DLG2: variants seen among roughly 807,000 people sequenced by gnomAD.
DLG2 encodes the protein discs large MAGUK scaffold protein 2.
DLG2 carries 45 observed loss-of-function variants against 132.5 expected under a neutral mutation model. The ratio of observed to expected loss-of-function variants is 0.34; its 90% CI spans 0.27 to 0.44. The LOEUF (loss-of-function observed/expected upper bound fraction) is 0.44. Ranked by LOEUF, DLG2 falls within the 20% of genes least tolerant of loss-of-function variation. DLG2 has a pLI of 1.00. For synonymous variants in DLG2, 424 were observed against 419.6 expected (o/e 1.01, Z -0.13); for missense variants, 1,045 against 1,196.9 (o/e 0.87, Z 1.87).
At chr11:83,834,334 A>G (rs2055478443) in intron 16 of DLG2, among the ~76,000 whole-genome samples, 1 of 152,198 alleles carries the variant, frequency 6.6e-6, no homozygotes, top group Non-Finnish European at 1.5e-5. Context: ...CACAGATATG[A>G]TCGGAGGTGG....
At chr11:84,218,203 GAAGGAAGGAAGGAAAGA>G (rs1286079426) in intron 8 of DLG2, among the ~76,000 whole-genome samples, 2 of 148,152 alleles carry the variant, frequency 1.3e-5, no homozygotes, top group African/African-American at 2.5e-5. Flanking sequence ...AGAAGGAAAG[GAAGGAAGGAAGGAAAGA>G]AAGGAAGGAA....
At chr11:84,797,829 T>C (rs1293226367) in intron 6 of DLG2, among the ~76,000 whole-genome samples, 2 of 152,220 alleles carry the variant, frequency 1.3e-5, no homozygotes, top group Admixed American at 6.5e-5. Context: ...CACAATTTTA[T>C]GCTTGTTTGT....
chr11:84,252,092 A>C (rs1360143040), intron 7 of DLG2, among the ~76,000 whole-genome samples: 1 of 146,814 alleles, frequency 6.8e-6, no homozygotes, highest in East Asian at 2.0e-4. Context: ...ACTTATCAAC[A>C]TCTACGTTTA....
intron 21 of DLG2, among the ~76,000 whole-genome samples, chr11:83,497,909 T>G (rs1256513249): frequency 6.6e-6 from 1 of 151,800 alleles, no homozygotes; most frequent in Non-Finnish European, 1.5e-5. Context: ...AAAGCTTAAT[T>G]TATTAAAAAA....
intron 4 of DLG2, among the ~76,000 whole-genome samples, chr11:85,163,205 T>TCA: frequency 6.8e-6 from 1 of 147,414 alleles, no homozygotes. Context: ...TTTATATATA[T>TCA]TACACACACA....
intron 3 of DLG2, among the ~76,000 whole-genome samples, chr11:85,497,359 A>C (rs2093691145): frequency 6.6e-6 from 1 of 151,446 alleles, no homozygotes. Context: ...TGAAAAAAAC[A>C]AGGAGACAAG....
intron 4 of DLG2, among the ~76,000 whole-genome samples, chr11:85,219,852 G>A (rs756816281): frequency 4.9e-4 from 74 of 151,612 alleles, no homozygotes; most frequent in Non-Finnish European, 1.6e-4. Flanking sequence ...TTCAACTGGA[G>A]AGAGGAGAAT....
chr11:84,741,968 G>A (rs1344979264), intron 6 of DLG2, among the ~76,000 whole-genome samples: 2 of 151,972 alleles, frequency 1.3e-5, no homozygotes, highest in African/African-American at 4.8e-5. Context: ...CAAAGAGATA[G>A]ATACCATAAA....
intron 18 of DLG2, among the ~76,000 whole-genome samples, chr11:83,751,611 T>C (rs72954565): frequency 0.03 from 4,491 of 152,218 alleles, 133 homozygotes; most frequent in Non-Finnish European, 0.035. Context: ...AAGGTGTAGC[T>C]GATCAAATTT....
intron 11 of DLG2, among the ~76,000 whole-genome samples, chr11:84,029,163 G>A (rs1490100167): frequency 6.6e-6 from 1 of 151,956 alleles, no homozygotes; most frequent in African/African-American, 2.4e-5. Flanking sequence ...TTAAAAACTA[G>A]AAGCTCAATC....
chr11:84,031,372 T>C (rs1210938550), intron 11 of DLG2, among the ~76,000 whole-genome samples: 1 of 152,136 alleles, frequency 6.6e-6, no homozygotes, highest in Non-Finnish European at 1.5e-5. Flanking sequence ...CAAATAAGGG[T>C]TCATAGTTTT....
At chr11:84,409,959 A>G (rs2098890311) in intron 7 of DLG2, among the ~76,000 whole-genome samples, 1 of 152,196 alleles carries the variant, frequency 6.6e-6, no homozygotes. Flanking sequence ...TTTAGAACTC[A>G]TATTGACTCA....
chr11:85,618,317 T>G (rs372381944), intron 2 of DLG2, among the ~76,000 whole-genome samples: 2 of 152,152 alleles, frequency 1.3e-5, no homozygotes, highest in East Asian at 3.8e-4. Flanking sequence ...TTGTAATCAC[T>G]GACATGGTAA....
At chr11:85,596,048 T>C (rs2079732165) in intron 3 of DLG2, among the ~76,000 whole-genome samples, 1 of 150,996 alleles carries the variant, frequency 6.6e-6, no homozygotes, top group African/African-American at 2.4e-5. Flanking sequence ...AGCCCAGGAG[T>C]TCAAGACCAG....
chr11:84,262,672 G>C (rs756086135), intron 7 of DLG2, among the ~76,000 whole-genome samples: 7 of 151,856 alleles, frequency 4.6e-5, no homozygotes, highest in Non-Finnish European at 1.0e-4. Context: ...TCTATCCCCT[G>C]ACCCCCTTTC....
chr11:84,498,367 C>T (rs1249634229), intron 7 of DLG2, among the ~76,000 whole-genome samples: 3 of 152,054 alleles, frequency 2.0e-5, no homozygotes, highest in Non-Finnish European at 4.4e-5. Context: ...CATGTGGGTT[C>T]AGGGGAAGCA....
At chr11:84,087,579 A>G (rs139922926) in intron 10 of DLG2, among the ~76,000 whole-genome samples, 68 of 152,298 alleles carry the variant, frequency 4.5e-4, no homozygotes, top group East Asian at 3.9e-4. Context: ...TTTCAGATGT[A>G]ATTCAGTTAA....
intron 19 of DLG2, among the ~76,000 whole-genome samples, chr11:83,609,209 A>C (rs2059767455): frequency 1.3e-5 from 2 of 152,224 alleles, no homozygotes; most frequent in Non-Finnish European, 2.9e-5. Flanking sequence ...AATTGAAATA[A>C]ACTTAGAAGA....
chr11:85,097,152 G>T (rs1450619541), intron 6 of DLG2, among the ~76,000 whole-genome samples: 2 of 151,948 alleles, frequency 1.3e-5, no homozygotes, highest in South Asian at 2.1e-4. Flanking sequence ...CATCTCCCAG[G>T]GTAGTTCCAC....
Sources: allele counts gnomAD v4.1 joint callset (sites outside exome capture counted in the v4.1 genomes callset), GRCh38; gene constraint gnomAD v4.1.1; transcripts MANE v1.5; gene names NCBI Gene and HGNC (gene_info 2026-07-23, HGNC 2026-07-21).